The following PCDH11X variants were observed in gnomAD, a reference collection of about 807,000 sequenced individuals.
PCDH11X encodes protocadherin-11 X-linked.
PCDH11X carries 18 observed loss-of-function variants against 53.3 expected under a neutral mutation model. The ratio of observed to expected loss-of-function variants is 0.34; its 90% CI spans 0.23 to 0.50. PCDH11X has a LOEUF of 0.50. PCDH11X is among the 20% of genes least tolerant of loss of function. The pLI, the probability that PCDH11X is intolerant of heterozygous loss-of-function variation, is 0.98. For synonymous variants in PCDH11X, 279 were observed against 393.3 expected (o/e 0.71, Z 3.44); for missense variants, 570 against 1,032.4 (o/e 0.55, Z 6.14).
rs1268685687 is a variant in PCDH11X, at chrX:91,939,819, G to A, written c.3033+60546G>A. Among the ~76,000 whole-genome samples the A allele has an allele frequency of 2.2e-3, 246 of 110,735 alleles. 1 individual carries two copies. The highest frequency in any genetic ancestry group is 7.8e-3 in the African/African-American group (237 of 30,518). ...ACAAAAGTTGAAAGAATTTATCACC[G>A]GCCCACGGAAATGCTGAAGTCCATC... On this transcript the variant is annotated intron_variant, in intron 6 of 10. Coordinates refer to ENST00000682573, the MANE Select transcript of PCDH11X (RefSeq NM_032968.5).
At chrX:92,175,785 T>TATATATAC (rs1556140527) in intron 6 of PCDH11X, among the ~76,000 whole-genome samples, 3 of 83,819 alleles carry the variant, frequency 3.6e-5, no homozygotes, top group Admixed American at 3.0e-4. Flanking sequence ...TGTATATATA[T>TATATATAC]ACACACACAC....
intron 5 of PCDH11X, among the ~76,000 whole-genome samples, chrX:91,858,402 T>G (rs2524489): frequency 4.5e-4 from 50 of 112,076 alleles, no homozygotes; most frequent in African/African-American, 1.6e-3. Context: ...GCTCCTTGTT[T>G]CCTATGCAAA....
intron 4 of PCDH11X, among the ~76,000 whole-genome samples, chrX:91,827,835 A>T (rs1301497227): frequency 1.8e-5 from 2 of 109,181 alleles, no homozygotes. Context: ...CAGTACCGTT[A>T]CTGTAGCCCT....
intron 6 of PCDH11X, among the ~76,000 whole-genome samples, chrX:91,904,176 A>AT (rs977499979): frequency 4.5e-5 from 5 of 111,262 alleles, no homozygotes; most frequent in African/African-American, 1.3e-4. Flanking sequence ...TAAAGCTATT[A>AT]TATTATGTTA....
At chrX:92,287,710 C>T (rs748661299) in intron 8 of PCDH11X, among the ~76,000 whole-genome samples, 18 of 111,733 alleles carry the variant, frequency 1.6e-4, no homozygotes, top group Admixed American at 2.9e-4. Flanking sequence ...AGGCTTCGCA[C>T]GCTAATAAAT....
At chrX:92,293,970 A>G (rs1452926777) in intron 8 of PCDH11X, among the ~76,000 whole-genome samples, 1 of 110,750 alleles carries the variant, frequency 9.0e-6, no homozygotes. Flanking sequence ...GTATAGATAT[A>G]TTGGTTCATT....
At chrX:92,465,813 A>G (rs1349358160) in intron 9 of PCDH11X, among the ~76,000 whole-genome samples, 1 of 110,920 alleles carries the variant, frequency 9.0e-6, no homozygotes, top group South Asian at 3.7e-4. Context: ...TTTAAAATGT[A>G]TGTTTTCTTA....
chrX:92,078,178 T>G (rs1328674681), intron 6 of PCDH11X, among the ~76,000 whole-genome samples: 1 of 110,004 alleles, frequency 9.1e-6, no homozygotes, highest in Non-Finnish European at 1.9e-5. Context: ...TTTTTTTCTT[T>G]TAAGATGAAG....
At chrX:92,014,438 G>A (rs2062752943) in intron 6 of PCDH11X, among the ~76,000 whole-genome samples, 1 of 109,104 alleles carries the variant, frequency 9.2e-6, no homozygotes, top group Non-Finnish European at 1.9e-5. Flanking sequence ...CTGTTGGTGG[G>A]ACTGTAAACT....
chrX:91,789,170 C>A lies in PCDH11X; in HGVS notation c.-379+9486C>A, dbSNP rs371994180. 1.0e-3 allele frequency among the ~76,000 whole-genome samples: 97 copies of A among 96,693 alleles called. 1 individual carries two copies. The South Asian group carries it at 0.05, about 50-fold the overall frequency. The allele number at this position is 96,693 out of a possible 115,157, so 84.0% of individuals were successfully genotyped here. ...TGAGCCGAGATCGCGCCACTACACT[C>A]CAGCCTGGCAACAGAGCAGGACTCC... On this transcript the variant is annotated intron_variant, in intron 1 of 10. Coordinates refer to ENST00000682573, the MANE Select transcript of PCDH11X (RefSeq NM_032968.5).
At chrX:92,326,078 G>T (rs1301200127) in intron 8 of PCDH11X, among the ~76,000 whole-genome samples, 1 of 111,903 alleles carries the variant, frequency 8.9e-6, no homozygotes, top group Non-Finnish European at 1.9e-5. Context: ...AACAATCATT[G>T]TATTATGTCT....
At chrX:91,888,240 T>C (rs1940322083) in intron 6 of PCDH11X, among the ~76,000 whole-genome samples, 1 of 112,006 alleles carries the variant, frequency 8.9e-6, no homozygotes, top group Admixed American at 9.5e-5. Context: ...ACTATTCCAA[T>C]AGATTTTCTA....
chrX:92,436,976 A>T (rs1378312846), intron 9 of PCDH11X, among the ~76,000 whole-genome samples: 13 of 62,033 alleles, frequency 2.1e-4, no homozygotes, highest in South Asian at 6.2e-4. Flanking sequence ...TAAAAGGTAA[A>T]AAAAAAAAAA....
chrX:92,353,215 A>T (rs2070101671), intron 8 of PCDH11X, among the ~76,000 whole-genome samples: 1 of 111,805 alleles, frequency 8.9e-6, no homozygotes, highest in Non-Finnish European at 1.9e-5. Flanking sequence ...AGACAATGAA[A>T]ATTGGCATCT....
intron 8 of PCDH11X, chrX:92,287,947 C>T (rs1308078720): frequency 5.8e-6 from 3 of 514,763 alleles, no homozygotes; most frequent in Non-Finnish European, 7.0e-6. Context: ...CTCTCTCTCC[C>T]TCCTTCTGGC....
At chrX:92,582,964 T>A (rs1371449306) in intron 10 of PCDH11X, among the ~76,000 whole-genome samples, 1 of 110,555 alleles carries the variant, frequency 9.0e-6, no homozygotes, top group African/African-American at 3.3e-5. Context: ...TTTTGGCCAA[T>A]GTCTTCCATT....
At chrX:92,299,461 C>T (rs1468247013) in intron 8 of PCDH11X, among the ~76,000 whole-genome samples, 2 of 111,026 alleles carry the variant, frequency 1.8e-5, no homozygotes, top group Non-Finnish European at 3.8e-5. Flanking sequence ...GGTTGGAAGG[C>T]TATTTATTAC....
At chrX:91,784,746 C>T (rs1433004368) in intron 1 of PCDH11X, among the ~76,000 whole-genome samples, 1 of 111,494 alleles carries the variant, frequency 9.0e-6, no homozygotes, top group East Asian at 2.8e-4. Flanking sequence ...ATTCCCCGCC[C>T]CTTTCCCATG....
intron 9 of PCDH11X, among the ~76,000 whole-genome samples, chrX:92,429,903 G>T (rs760422228): frequency 2.8e-5 from 3 of 105,562 alleles, no homozygotes; most frequent in Non-Finnish European, 5.9e-5. Context: ...AGAAATAAGC[G>T]CTCTGAGTCT....
Sources: gnomAD v4.1 joint callset for allele counts (sites outside exome capture counted in the v4.1 genomes callset) on GRCh38, gnomAD v4.1.1 for gene constraint, MANE v1.5 for transcripts, NCBI Gene and HGNC (gene_info 2026-07-23, HGNC 2026-07-21) for gene names.